NOX5: variants seen among roughly 807,000 people sequenced by gnomAD.
NOX5 encodes NADPH oxidase, EF-hand calcium binding domain 5.
Under a neutral mutation model 85.7 loss-of-function variants are expected in NOX5, and 76 were observed. The ratio of observed to expected loss-of-function variants is 0.89; its 90% CI spans 0.74 to 1.07. The LOEUF (loss-of-function observed/expected upper bound fraction) is 1.07. Among genes scored for constraint, NOX5 ranks in the 50% least tolerant of loss-of-function variants. NOX5 has a pLI of 0.00. For synonymous variants in NOX5, 405 were observed against 401.4 expected (o/e 1.01, Z -0.11); for missense variants, 973 against 999.5 (o/e 0.97, Z 0.36).
At chr15:69,022,265 G>A in intron 1 of NOX5, 1 of 202,886 alleles carries the variant, frequency 4.9e-6, no homozygotes, top group South Asian at 1.2e-4. Flanking sequence ...TTATCCCAAT[G>A]TCACAAGGAA....
At position 69,031,682 on chromosome 15, in the gene NOX5, G is replaced by C; in HGVS notation, c.490G>C (p.Glu164Gln). The C allele has an allele frequency of 6.2e-7, 1 of 1,613,268 alleles. No homozygotes were observed. Among genetic ancestry groups the C allele is most frequent in the Non-Finnish European group, 8.5e-7 (1 of 1,179,884 alleles). Reference protein sequence around the residue: ...LRESAISLPDEKLDQLTLALF... With the variant: ...LRESAISLPDQKLDQLTLALF... ...CGAGAGCGCCATCTCGCTGCCTGAC[G>C]AGAAGCTGGACCAGCTGACGCTGGC... Residue 164 changes from glutamate to glutamine, a missense_variant, in exon 4 of 16, where the codon GAG becomes CAG. By Grantham distance (29) the Glu-to-Gln change is conservative. Transcript: ENST00000388866.
At chr15:69,028,710 C>T (rs527961075) in intron 3 of NOX5, 2 of 175,214 alleles carry the variant, frequency 1.1e-5, no homozygotes, top group African/African-American at 2.4e-5. Flanking sequence ...TCCTTTTCCT[C>T]ATAGTATAAG....
intron 3 of NOX5, chr15:69,030,741 T>C (rs972669355): frequency 5.9e-5 from 9 of 152,244 alleles, no homozygotes; most frequent in Admixed American, 1.3e-4. Context: ...AGAATTTCCA[T>C]GTATATGCAA....
rs761795660 is a variant in NOX5, at chr15:69,035,784, C to T, written c.1036C>T (p.Pro346Ser). Residue 346 changes from proline (P) to serine (S), a missense_variant, in exon 7 of 16, where the codon CCT becomes TCT. Pro to Ser is a moderately conservative substitution (Grantham distance 74, BLOSUM62 -1). Coordinates refer to ENST00000388866, the MANE Select transcript of NOX5 (RefSeq NM_024505.4). ...ACTCCAGGCTCAGGCGGAGGCCAGC[C>T]CTTTCCAGTTCTGGGAGCTGCTGCT... ...FVLQAQAEAS[P>S]FQFWELLLTT... 5 of 1,614,162 alleles carry T rather than the reference C, an allele frequency of 3.1e-6. No individual in the cohort carries two copies. In the Admixed American group the frequency reaches 6.7e-5, roughly 22 times the overall value.
rs772127736 is a variant in NOX5 at position 69,033,073 on chromosome 15, C to G, written c.651C>G (p.Pro217=). Residue 217 remains proline, a synonymous_variant, in exon 5 of 16, where the codon CCC becomes CCG. Transcript: ENST00000388866. ...SAAHWLTAPA[P]RPRPRRPRQL... ...CCCACTGGCTGACGGCCCCCGCCCC[C>G]CGCCCACGCCCGCGCCGGCCGCGCC... 1 of 1,552,420 alleles carries G rather than the reference C, an allele frequency of 6.4e-7. No homozygotes were observed. The highest frequency in any genetic ancestry group is 8.6e-7 in the Non-Finnish European group (1 of 1,161,786).
rs147768754 is a variant in NOX5 at position 69,053,873 on chromosome 15, C to T, written c.2000-1461C>T. 1.7e-3 allele frequency among the ~76,000 whole-genome samples: 255 copies of T among 152,316 alleles called. No individual in the cohort carries two copies. The Middle Eastern group carries it at 0.017, about 10-fold the overall frequency. ...CATCTCATAATACATCTCCCTCCCT[C>T]CCACACCATCCAGCACGACTAGGGG... On this transcript the variant is annotated intron_variant, in intron 14 of 15. Transcript: ENST00000388866.
intron 1 of NOX5, among the ~76,000 whole-genome samples, chr15:69,018,554 C>A (rs2050259478): frequency 6.8e-6 from 1 of 147,726 alleles, no homozygotes; most frequent in Non-Finnish European, 1.5e-5. Flanking sequence ...CCACAAGACT[C>A]TTTTGTGTTA....
intron 3 of NOX5, chr15:69,030,278 C>G (rs138421235): frequency 3.3e-5 from 5 of 152,198 alleles, no homozygotes; most frequent in Admixed American, 1.3e-4. Flanking sequence ...AGTTAACTTA[C>G]GCGCGACGGG....
chr15:69,055,573 G>A (rs1461628793), intron 15 of NOX5, 73 bp downstream of exon 15: 8 of 1,539,902 alleles, frequency 5.2e-6, no homozygotes, highest in Admixed American at 1.8e-5. Flanking sequence ...GTGGGGAGAC[G>A]AGGCCCAAGC....
At chr15:69,037,327 C>T (rs549135616) in intron 8 of NOX5, 117 bp downstream of exon 8, 10 of 1,043,508 alleles carry the variant, frequency 9.6e-6, no homozygotes, top group African/African-American at 4.8e-5. Context: ...AGTGTAGCTG[C>T]AGCCCCATTG....
intron 4 of NOX5, 51 bp from the exon 5 acceptor site, chr15:69,032,992 G>T: frequency 6.6e-7 from 1 of 1,518,266 alleles, no homozygotes; most frequent in South Asian, 1.2e-5. Context: ...TAAGACACAG[G>T]TGGTCCCCGC....
Position 69,031,743 on chromosome 15 carries a change from C to G in NOX5, c.551C>G (p.Ala184Gly). ...FESADADGNGAITFEELRDEL... is the reference protein window; with the variant it reads ...FESADADGNGGITFEELRDEL... ...TCGGCCGACGCGGACGGCAACGGGG[C>G]CATCACCTTCGAGGAGCTCCGGGAC... The change falls in exon 4 of 16, where the codon GCC (alanine) becomes GGC (glycine). Residue 184 changes from alanine to glycine, a missense_variant. By Grantham distance (60) the Ala-to-Gly change is moderately conservative. Transcript: ENST00000388866. 1 of 1,612,554 alleles carries G rather than the reference C, an allele frequency of 6.2e-7. No individual in the cohort carries two copies. Among genetic ancestry groups the G allele is most frequent in the Admixed American group, 1.7e-5 (1 of 59,962 alleles).
intron 9 of NOX5, 44 bp downstream of exon 9, chr15:69,039,033 T>A: frequency 6.2e-7 from 1 of 1,607,088 alleles, no homozygotes; most frequent in South Asian, 1.1e-5. Context: ...ATTCACTGAG[T>A]TCCTACCGTG....
At chr15:69,039,399 G>A (rs1436826963) in intron 9 of NOX5, among the ~76,000 whole-genome samples, 1 of 152,108 alleles carries the variant, frequency 6.6e-6, no homozygotes, top group African/African-American at 2.4e-5. Flanking sequence ...TAGGCAGGTG[G>A]AGTAGCAAGG....
At chr15:69,035,031 G>A (rs569528336) in intron 5 of NOX5, among the ~76,000 whole-genome samples, 2 of 152,102 alleles carry the variant, frequency 1.3e-5, no homozygotes, top group Non-Finnish European at 2.9e-5. Flanking sequence ...CTTCCAAAGT[G>A]CTGAGATTAG....
At chr15:69,046,767 A>G in intron 10 of NOX5, 55 bp from the exon 11 acceptor site, 1 of 1,533,222 alleles carries the variant, frequency 6.5e-7, no homozygotes, top group Non-Finnish European at 8.9e-7. Context: ...ACTTCTAAGA[A>G]ATCCCTAACA....
At chr15:69,032,655 C>T (rs1352924180) in intron 4 of NOX5, among the ~76,000 whole-genome samples, 1 of 152,156 alleles carries the variant, frequency 6.6e-6, no homozygotes, top group East Asian at 1.9e-4. Flanking sequence ...AGGTGATCCG[C>T]CCGCCTTGGG....
Position 69,039,054 on chromosome 15 carries a change from A to G in NOX5, c.1504+65A>G. On this transcript the variant is annotated intron_variant, in intron 9 of 15. Coordinates refer to ENST00000388866, the MANE Select transcript of NOX5 (RefSeq NM_024505.4). ...TGAGTTCCTACCGTGGGCCAAGTAC[A>G]GGCTGGAAACTCGGAACACAGCACT... 3.2e-6 allele frequency: 5 copies of G among 1,573,526 alleles called. No individual in the cohort carries two copies. The South Asian group carries it at 4.4e-5, about 14-fold the overall frequency.
Position 69,037,105 on chromosome 15 carries a change from G to GCTT in NOX5, c.1268_1269insTCT (p.Leu424dup). On this transcript the variant is annotated inframe_insertion, in exon 8 of 16. Coordinates refer to ENST00000388866, the MANE Select transcript of NOX5 (RefSeq NM_024505.4). ...TTCATGGGCCCAACTTCTGGAAGTG[G>GCTT]CTGCTGGTGCCTGGAATCTTGTTTT... is the stretch of plus-strand genomic sequence containing the variant. 1 of 1,614,098 alleles carries GCTT rather than the reference G, an allele frequency of 6.2e-7. No homozygotes were observed. Among genetic ancestry groups the GCTT allele is most frequent in the Non-Finnish European group, 8.5e-7 (1 of 1,180,016 alleles).
Sources: allele counts gnomAD v4.1 joint callset (sites outside exome capture counted in the v4.1 genomes callset), GRCh38; gene constraint gnomAD v4.1.1; transcripts MANE v1.5; gene names NCBI Gene and HGNC (gene_info 2026-07-23, HGNC 2026-07-21).